Variants in SH3GL3 observed in about 807,000 individuals in gnomAD.
SH3GL3 encodes SH3 domain containing GRB2 like 3, endophilin A3.
A neutral mutation model predicts 47.7 loss-of-function variants in SH3GL3; 33 were observed. The ratio of observed to expected loss-of-function variants is 0.69; its 90% CI spans 0.52 to 0.92. SH3GL3 has a LOEUF of 0.92. Among genes scored for constraint, SH3GL3 ranks in the 40% least tolerant of loss-of-function variants. The pLI is 0.00. For missense variants in SH3GL3, 363 were observed against 417.8 expected (o/e 0.87, Z 1.14); for synonymous variants, 155 against 148.8 (o/e 1.04, Z -0.30).
At chr15:83,587,117 G>A in intron 7 of SH3GL3, 31 bp downstream of exon 7, 1 of 1,156,146 alleles carries the variant, frequency 8.6e-7, no homozygotes, top group East Asian at 2.4e-5. Context: ...TACAAGCCAA[G>A]GGCTGCGGAG....
intron 8 of SH3GL3, among the ~76,000 whole-genome samples, chr15:83,601,661 T>C (rs2060383656): frequency 6.6e-6 from 1 of 152,156 alleles, no homozygotes; most frequent in Non-Finnish European, 1.5e-5. Flanking sequence ...AGTTTTCTTT[T>C]TTTTCTATGT....
intron 1 of SH3GL3, among the ~76,000 whole-genome samples, chr15:83,468,301 A>G (rs1241446173): frequency 2.0e-5 from 3 of 152,194 alleles, no homozygotes; most frequent in East Asian, 1.9e-4. Context: ...GTAAACAATT[A>G]TGTCATCTGT....
Position 83,561,104 on chromosome 15 carries a change from G to T in SH3GL3, c.114+1783G>T, listed in dbSNP as rs2045247064. 2.0e-5 allele frequency among the ~76,000 whole-genome samples: 3 copies of T among 152,032 alleles called. No individual in the cohort carries two copies. The South Asian group carries it at 6.2e-4, about 32-fold the overall frequency. ...GACAATAATCAATAGGCTCATGGAG[G>T]ATTTGCATAAAATATGATTAATAAC... On this transcript the variant is annotated intron_variant, in intron 2 of 8. Transcript: ENST00000427482.
chr15:83,479,362 T>G (rs1387596471), intron 1 of SH3GL3, among the ~76,000 whole-genome samples: 1 of 151,838 alleles, frequency 6.6e-6, no homozygotes, highest in African/African-American at 2.4e-5. Flanking sequence ...GTGTTGATGT[T>G]GTTGTTCTTG....
At chr15:83,516,455 T>A (rs1372602680) in intron 1 of SH3GL3, among the ~76,000 whole-genome samples, 5 of 152,182 alleles carry the variant, frequency 3.3e-5, no homozygotes, top group Non-Finnish European at 7.3e-5. Context: ...TACCTGAGAC[T>A]GGGTAATTTA....
At chr15:83,460,002 T>C (rs1435978334) in intron 1 of SH3GL3, among the ~76,000 whole-genome samples, 8 of 71,468 alleles carry the variant, frequency 1.1e-4, no homozygotes, top group Admixed American at 3.4e-4. Flanking sequence ...CCTTTCCCTC[T>C]CCCCTCCCCT....
chr15:83,506,819 A>G (rs1271004017), intron 1 of SH3GL3, among the ~76,000 whole-genome samples: 5 of 152,000 alleles, frequency 3.3e-5, no homozygotes, highest in Non-Finnish European at 5.9e-5. Context: ...TTTCTGATGC[A>G]TAGGTTTTCA....
At position 83,544,671 on chromosome 15, in the gene SH3GL3, G is replaced by A. The variant is rs186277224; in HGVS notation, c.46-14582G>A. The stretch of plus-strand genomic sequence containing the variant: ...TGAAAAACTCCCATTAGCATGGTGA[G>A]TATTAGGGAGTGAAAAGCTCCCATT... On this transcript the variant is annotated intron_variant, in intron 1 of 8. Coordinates refer to ENST00000427482, the MANE Select transcript of SH3GL3 (RefSeq NM_003027.5). Among the ~76,000 whole-genome samples the A allele has an allele frequency of 9.2e-5, 14 of 152,126 alleles. 1 individual carries two copies.
chr15:83,487,958 C>G (rs2151572948), intron 1 of SH3GL3: 1 of 151,336 alleles, frequency 6.6e-6, no homozygotes, highest in African/African-American at 2.4e-5. Flanking sequence ...TCACTGCAAC[C>G]TTCGCCTCCT....
chr15:83,592,315 C>T (rs2060129086), intron 8 of SH3GL3, among the ~76,000 whole-genome samples: 1 of 152,162 alleles, frequency 6.6e-6, no homozygotes, highest in African/African-American at 2.4e-5. Context: ...GTAATCATCA[C>T]TTCCATCATG....
At position 83,606,471 on chromosome 15, in the gene SH3GL3, A is replaced by T. The variant is rs188508283; in HGVS notation, c.839-11611A>T. Among the ~76,000 whole-genome samples the T allele has an allele frequency of 1.1e-4, 16 of 152,378 alleles. No homozygotes were observed. In the East Asian group the frequency reaches 3.1e-3, roughly 29 times the overall value. On this transcript the variant is annotated intron_variant, in intron 8 of 8. Transcript: ENST00000427482. ...GCAATTTTTTTAACCTACATTTCCG[A>T]AGAGGAAATTAAAATTTCACAGAAC...
chr15:83,568,742 C>A, intron 4 of SH3GL3, 70 bp downstream of exon 4: 2 of 1,126,100 alleles, frequency 1.8e-6, no homozygotes, highest in Non-Finnish European at 2.6e-6. Flanking sequence ...ATACACAAAC[C>A]CTTCAGTCTA....
intron 1 of SH3GL3, among the ~76,000 whole-genome samples, chr15:83,541,253 T>C (rs2044137273): frequency 6.6e-6 from 1 of 151,114 alleles, no homozygotes; most frequent in Admixed American, 6.6e-5. Context: ...ATCTCTTTGA[T>C]ACACTGATTT....
intron 1 of SH3GL3, among the ~76,000 whole-genome samples, chr15:83,498,918 C>T (rs2042183682): frequency 6.6e-6 from 1 of 152,158 alleles, no homozygotes; most frequent in Admixed American, 6.5e-5. Flanking sequence ...GTTGGGTTAT[C>T]CCTTTGGACC....
chr15:83,538,782 T>C (rs2044030243), intron 1 of SH3GL3, among the ~76,000 whole-genome samples: 3 of 152,178 alleles, frequency 2.0e-5, no homozygotes, highest in Admixed American at 2.0e-4. Flanking sequence ...AATATGGGCA[T>C]TTGTTTCTAG....
intron 1 of SH3GL3, among the ~76,000 whole-genome samples, chr15:83,474,348 G>C (rs2040993299): frequency 6.6e-6 from 1 of 152,106 alleles, no homozygotes; most frequent in Non-Finnish European, 1.5e-5. Flanking sequence ...CCTGTTCTTT[G>C]CCTAGATCCT....
intron 2 of SH3GL3, among the ~76,000 whole-genome samples, chr15:83,559,537 C>G (rs191495522): frequency 2.4e-4 from 36 of 152,228 alleles, no homozygotes; most frequent in African/African-American, 8.2e-4. Context: ...GTAATGAGAT[C>G]GATGTGGCTA....
At chr15:83,451,715 C>CA (rs1199870403) in intron 1 of SH3GL3, among the ~76,000 whole-genome samples, 1 of 49,256 alleles carries the variant, frequency 2.0e-5, no homozygotes, top group Non-Finnish European at 3.6e-5. Context: ...AGCCCTTTGT[C>CA]AGATGAGTAG....
At chr15:83,541,575 C>T (rs184878086) in intron 1 of SH3GL3, among the ~76,000 whole-genome samples, 63 of 152,144 alleles carry the variant, frequency 4.1e-4, no homozygotes, top group East Asian at 1.4e-3. Context: ...CGTGGTTGTA[C>T]ATCCTTACCA....
Sources: gnomAD v4.1 joint callset for allele counts (sites outside exome capture counted in the v4.1 genomes callset) on GRCh38, gnomAD v4.1.1 for gene constraint, MANE v1.5 for transcripts, NCBI Gene and HGNC (gene_info 2026-07-23, HGNC 2026-07-21) for gene names.